ZNF569: variants seen among roughly 807,000 people sequenced by gnomAD.
ZNF569 encodes the protein zinc finger protein 569.
ZNF569 carries 38 observed loss-of-function variants against 56.3 expected under a neutral mutation model. The ratio of observed to expected loss-of-function variants is 0.68; its 90% confidence interval spans 0.52 to 0.88. ZNF569 has a LOEUF of 0.88. ZNF569 is among the 40% of genes least tolerant of loss of function. The pLI is 0.00. For synonymous variants in ZNF569, 241 were observed against 262.9 expected, an observed-to-expected ratio of 0.92 and a Z score of 0.81; for missense variants, 666 against 809.2, an observed-to-expected ratio of 0.82 and a Z score of 2.15.
At chr19:37,451,946 G>T (rs917364745) in intron 2 of ZNF569, among the ~76,000 whole-genome samples, 2 of 152,154 alleles carry the variant, frequency 1.3e-5, no homozygotes, top group South Asian at 2.1e-4. Context: ...TGCTAGGGAA[G>T]AATTTACTAT....
At position 37,412,460 on chromosome 19, in the gene ZNF569, T is replaced by C. The variant is rs966329966; in HGVS notation, c.*137A>G. The C allele has an allele frequency of 5.2e-6, 7 of 1,352,146 alleles. No individual in the cohort carries two copies. In the African/African-American group the frequency reaches 5.9e-5, roughly 11 times the overall value. 83.8% of individuals were successfully genotyped at this position (1,352,146 alleles called of 1,614,324 possible). On this transcript the variant is annotated 3_prime_UTR_variant, in exon 6 of 6. Transcript: ENST00000316950. The stretch of plus-strand genomic sequence containing the variant: ...TTGTCACCTTGGAAGAATTCTCTAA[T>C]GTTTCATAAATTTGTGGCTTTTTCA...
intron 2 of ZNF569, among the ~76,000 whole-genome samples, chr19:37,461,650 T>C (rs2041759359): frequency 6.6e-6 from 1 of 152,114 alleles, no homozygotes; most frequent in Admixed American, 6.5e-5. Flanking sequence ...TACAACCCAA[T>C]AGTCCTTCAG....
chr19:37,425,627 T>G, intron 5 of ZNF569: 1 of 291,430 alleles, frequency 3.4e-6, no homozygotes, highest in Non-Finnish European at 6.4e-6. Flanking sequence ...GGCCCAATTT[T>G]TCTTTTCTCT....
At chr19:37,456,737 G>C (rs2041675900) in intron 2 of ZNF569, among the ~76,000 whole-genome samples, 1 of 152,156 alleles carries the variant, frequency 6.6e-6, no homozygotes, top group Non-Finnish European at 1.5e-5. Flanking sequence ...GGGAGGCTGA[G>C]GTGGGCGGAT....
At chr19:37,419,548 C>T (rs1461413731) in intron 5 of ZNF569, among the ~76,000 whole-genome samples, 1 of 151,888 alleles carries the variant, frequency 6.6e-6, no homozygotes, top group Non-Finnish European at 1.5e-5. Context: ...ATGGTGAAAC[C>T]CTGTCTCTAC....
intron 5 of ZNF569, among the ~76,000 whole-genome samples, chr19:37,420,882 G>A (rs566662291): frequency 1.4e-4 from 22 of 152,242 alleles, no homozygotes; most frequent in East Asian, 1.2e-3. Context: ...AATGTATTTC[G>A]TAAATAATAA....
At chr19:37,427,339 A>T (rs2041151744) in intron 3 of ZNF569, among the ~76,000 whole-genome samples, 1 of 152,114 alleles carries the variant, frequency 6.6e-6, no homozygotes, top group African/African-American at 2.4e-5. Flanking sequence ...CTATTGAATG[A>T]ATTTCAAAAA....
At chr19:37,423,485 T>A (rs550018353) in intron 5 of ZNF569, among the ~76,000 whole-genome samples, 1 of 152,230 alleles carries the variant, frequency 6.6e-6, no homozygotes, top group African/African-American at 2.4e-5. Context: ...TGAGTCATTA[T>A]TGAGAAATAT....
upstream of ZNF569, chr19:37,467,784 C>T (rs2041873015): frequency 6.9e-6 from 8 of 1,156,416 alleles, no homozygotes; most frequent in Non-Finnish European, 1.0e-5. Context: ...GAGACCCTGT[C>T]CAGTGACATC....
chr19:37,416,676 G>A (rs2040939389), intron 5 of ZNF569, among the ~76,000 whole-genome samples: 1 of 151,452 alleles, frequency 6.6e-6, no homozygotes, highest in African/African-American at 2.4e-5. Flanking sequence ...GTTATTTTTT[G>A]TTGCTTTTTT....
intron 2 of ZNF569, among the ~76,000 whole-genome samples, chr19:37,462,540 T>C (rs1187674108): frequency 1.3e-5 from 2 of 152,158 alleles, no homozygotes; most frequent in Admixed American, 6.5e-5. Flanking sequence ...AATAAATGAA[T>C]TTCATGTTGC....
At chr19:37,446,146 A>G (rs1309261841) in intron 2 of ZNF569, among the ~76,000 whole-genome samples, 1 of 152,230 alleles carries the variant, frequency 6.6e-6, no homozygotes, top group Non-Finnish European at 1.5e-5. Flanking sequence ...AAATAAAGCC[A>G]AATACTTACA....
chr19:37,418,332 G>T (rs2040971841), intron 5 of ZNF569, among the ~76,000 whole-genome samples: 1 of 151,982 alleles, frequency 6.6e-6, no homozygotes, highest in Non-Finnish European at 1.5e-5. Flanking sequence ...ATAGGGAAAA[G>T]AAATAGTAAG....
chr19:37,412,580 C>T lies in ZNF569; in HGVS notation c.*17G>A. 6.4e-7 allele frequency: 1 copy of T among 1,555,904 alleles called. No homozygotes were observed. Among genetic ancestry groups the T allele is most frequent in the Non-Finnish European group, 8.7e-7 (1 of 1,154,362 alleles). On this transcript the variant is annotated 3_prime_UTR_variant, in exon 6 of 6. Coordinates refer to ENST00000316950, the MANE Select transcript of ZNF569 (RefSeq NM_152484.3). ...CCTTCAGATGGCCTTGCCATATTCA[C>T]AATATTCATAGGGTTTCTAATGAGT... is the stretch of plus-strand genomic sequence containing the variant.
rs774136758 is a variant in ZNF569, at chr19:37,413,649, G to A, written c.1009C>T (p.Arg337Ter). 6 of 1,613,822 alleles carry A rather than the reference G, an allele frequency of 3.7e-6. No homozygotes were observed. Among genetic ancestry groups the A allele is most frequent in the South Asian group, 2.2e-5 (2 of 91,076 alleles). ...ATATGAAGAGCAAGGGATGCAATTC[G>A]AGGGAAGGCTTTACCACATTCATTA... Reference protein sequence around the residue: ...ACNECGKAFPRIASLALHMRS... With the variant: ...ACNECGKAFP The change falls in exon 6 of 6, where the codon CGA (arginine) becomes TGA (stop). Residue 337 changes from arginine (R) to a stop codon, truncating the protein, a stop_gained. Transcript: ENST00000316950. LOFTEE classifies it high-confidence loss of function.
upstream of ZNF569, chr19:37,469,049 C>G: frequency 1.0e-6 from 1 of 994,058 alleles, no homozygotes; most frequent in South Asian, 4.5e-5. Context: ...GCGCAGAGCG[C>G]TTGTGCCTGC....
At chr19:37,468,068 C>G, upstream of ZNF569, 1 of 655,262 alleles carries the variant, frequency 1.5e-6, no homozygotes, top group Non-Finnish European at 2.4e-6. Flanking sequence ...CTATGCCTTT[C>G]GTGTTTTTTT....
intron 2 of ZNF569, among the ~76,000 whole-genome samples, chr19:37,448,465 C>G (rs2146948949): frequency 6.8e-6 from 1 of 146,672 alleles, no homozygotes; most frequent in South Asian, 2.2e-4. Flanking sequence ...TTTTTTTCAA[C>G]TTTTATTGAT....
rs150759330 is a variant in ZNF569 at position 37,418,765 on chromosome 19, T to C, written c.239-4346A>G. Among the ~76,000 whole-genome samples, 886 of 152,280 alleles carry C rather than the reference T, an allele frequency of 5.8e-3. 4 individuals carry two copies. The highest frequency in any genetic ancestry group is 9.4e-3 in the Non-Finnish European group (642 of 68,032). On this transcript the variant is annotated intron_variant, in intron 5 of 5. Transcript: ENST00000316950. ...TCCCAAGAGAAGATGGGAAGACTAC[T>C]CTCTGCTTCTGGAGAAATGGAACCA...
Sources: allele counts gnomAD v4.1 joint callset (sites outside exome capture counted in the v4.1 genomes callset), GRCh38; gene constraint gnomAD v4.1.1; transcripts MANE v1.5; gene names NCBI Gene and HGNC (gene_info 2026-07-23, HGNC 2026-07-21).